XIRP2: variants seen among roughly 807,000 people sequenced by gnomAD.
XIRP2 encodes xin actin-binding repeat-containing protein 2.
In XIRP2, 236 loss-of-function variants were observed where a neutral mutation model predicts 277.0. The ratio of observed to expected loss-of-function variants is 0.85; its 90% CI spans 0.77 to 0.95. The LOEUF is 0.95. Ranked by LOEUF, XIRP2 falls within the 40% of genes least tolerant of loss-of-function variation. The pLI is 0.00. For synonymous variants in XIRP2, 1,490 were observed against 1,416.5 expected, an observed-to-expected ratio of 1.05 and a Z score of -1.17; for missense variants, 4,640 against 4,157.5, an observed-to-expected ratio of 1.12 and a Z score of -3.19.
intron 3 of XIRP2, 107 bp downstream of exon 3, chr2:167,136,169 T>TA: frequency 1.8e-6 from 2 of 1,135,382 alleles, no homozygotes; most frequent in Non-Finnish European, 2.3e-6. Context: ...GTAAGGAAAA[T>TA]AATGACTGCA....
At chr2:167,225,209 A>C (rs1342808865) in intron 5 of XIRP2, among the ~76,000 whole-genome samples, 2 of 152,202 alleles carry the variant, frequency 1.3e-5, no homozygotes, top group Non-Finnish European at 2.9e-5. Flanking sequence ...TAGTGGCAAG[A>C]TACTACTGAA....
At chr2:167,256,598 T>TCATTATCTACAG (rs1188672933) in intron 10 of XIRP2, among the ~76,000 whole-genome samples, 1 of 151,900 alleles carries the variant, frequency 6.6e-6, no homozygotes, top group African/African-American at 2.4e-5. Context: ...TGGCATGTTT[T>TCATTATCTACAG]CATTATCTAC....
chr2:167,078,488 T>C (rs919437694), intron 2 of XIRP2, among the ~76,000 whole-genome samples: 3 of 152,164 alleles, frequency 2.0e-5, no homozygotes, highest in Non-Finnish European at 4.4e-5. Context: ...TTGCTCTGGA[T>C]GGGACTTCCA....
At position 167,134,371 on chromosome 2, in the gene XIRP2, ATG is replaced by A. The variant is rs1219315822; in HGVS notation, c.409-1532_409-1531del. 5.3e-5 allele frequency among the ~76,000 whole-genome samples: 8 copies of A among 151,808 alleles called. No homozygotes were observed. The South Asian group carries it at 1.5e-3, about 28-fold the overall frequency. ...GTGATGTATGTATATATATATTTACATGTGTGTATATATTATATATAAATTGA... is the reference window on the plus strand; with the variant it reads ...GTGATGTATGTATATATATATTTACATGTGTATATATTATATATAAATTGA... On this transcript the variant is annotated intron_variant, in intron 2 of 10. Coordinates refer to ENST00000409195, the MANE Select transcript of XIRP2 (RefSeq NM_152381.6).
chr2:166,892,976 GTA>G lies in XIRP2; in HGVS notation c.-19+4424_-19+4425del, dbSNP rs1305023662. ...TGTGTGTATATACATATATATATATGTATATACACACACACACACACACACAC... is the reference window on the plus strand; with the variant it reads ...TGTGTGTATATACATATATATATATGTATACACACACACACACACACACAC... On this transcript the variant is annotated intron_variant, in intron 1 of 10. Transcript: ENST00000409195. Among the ~76,000 whole-genome samples, 362 of 105,282 alleles carry G rather than the reference GTA, an allele frequency of 3.4e-3. 2 individuals carry two copies. Among genetic ancestry groups the G allele is most frequent in the African/African-American group, 9.5e-3 (280 of 29,484 alleles). The allele number at this position is 105,282 out of a possible 152,430, so 69.1% of individuals were successfully genotyped here.
Position 166,939,541 on chromosome 2 carries a change from G to A in XIRP2, c.408+35651G>A, listed in dbSNP as rs553970753. Among the ~76,000 whole-genome samples, 281 of 151,506 alleles carry A rather than the reference G, an allele frequency of 1.9e-3. 1 individual carries two copies. Among genetic ancestry groups the A allele is most frequent in the South Asian group, 6.7e-3 (32 of 4,802 alleles). ...TAAAAATACAAAAAATTAGCTGGGC[G>A]TGGTGGTGGCCTCCTGTAGTCCCAG... is the stretch of plus-strand genomic sequence containing the variant. On this transcript the variant is annotated intron_variant, in intron 2 of 10. Coordinates refer to ENST00000409195, the MANE Select transcript of XIRP2 (RefSeq NM_152381.6).
intron 3 of XIRP2, among the ~76,000 whole-genome samples, chr2:167,175,696 C>G (rs1344432248): frequency 1.3e-5 from 2 of 152,148 alleles, no homozygotes; most frequent in Non-Finnish European, 2.9e-5. Context: ...CTCTTCAGAG[C>G]CAGCAGTCAG....
At chr2:167,149,256 T>C (rs965867543) in intron 3 of XIRP2, among the ~76,000 whole-genome samples, 6 of 152,184 alleles carry the variant, frequency 3.9e-5, no homozygotes, top group Non-Finnish European at 5.9e-5. Context: ...CTTAATTCAC[T>C]ATGCAGATAG....
intron 3 of XIRP2, among the ~76,000 whole-genome samples, chr2:167,206,459 T>C (rs1693854428): frequency 6.6e-6 from 1 of 152,226 alleles, no homozygotes; most frequent in African/African-American, 2.4e-5. Context: ...TTCAAAATGC[T>C]TGAATATCTT....
At chr2:167,100,392 G>A (rs1410152234) in intron 2 of XIRP2, among the ~76,000 whole-genome samples, 1 of 152,216 alleles carries the variant, frequency 6.6e-6, no homozygotes, top group Admixed American at 6.5e-5. Flanking sequence ...AATAAATAAT[G>A]TAACTATTGC....
intron 2 of XIRP2, among the ~76,000 whole-genome samples, chr2:167,120,075 A>T (rs1032334053): frequency 6.6e-6 from 1 of 151,912 alleles, no homozygotes; most frequent in African/African-American, 2.4e-5. Flanking sequence ...CCTTTAAACG[A>T]TTTTACCTCC....
In XIRP2 at chr2:167,259,218, C is replaced by T; in HGVS notation, c.*1401C>T. The stretch of plus-strand genomic sequence containing the variant: ...TGGCATGTTGAAACAACAGAAGCTG[C>T]CCGCAATAATGAAAACACAGGTTTT... On this transcript the variant is annotated 3_prime_UTR_variant, in exon 11 of 11. Coordinates refer to ENST00000409195, the MANE Select transcript of XIRP2 (RefSeq NM_152381.6). 1 of 1,613,412 alleles carries T rather than the reference C, an allele frequency of 6.2e-7. No individual in the cohort carries two copies. The highest frequency in any genetic ancestry group is 8.5e-7 in the Non-Finnish European group (1 of 1,179,638).
At chr2:166,976,676 C>T (rs1686725130) in intron 2 of XIRP2, among the ~76,000 whole-genome samples, 2 of 152,046 alleles carry the variant, frequency 1.3e-5, no homozygotes, top group African/African-American at 4.8e-5. Flanking sequence ...TTACTTTTTG[C>T]TTCTGCATAT....
intron 2 of XIRP2, among the ~76,000 whole-genome samples, chr2:167,097,439 A>G (rs1574252680): frequency 6.6e-6 from 1 of 151,902 alleles, no homozygotes; most frequent in Non-Finnish European, 1.5e-5. Context: ...TTTTGAGCCT[A>G]TGTGTGTCTT....
Position 167,086,368 on chromosome 2 carries a change from C to T in XIRP2, c.409-49541C>T, listed in dbSNP as rs1373572280. ...TAACCCAACCTTTCTCTCTGGCTGCCCTTCACATTTTTTCCTTCATTTCGA... is the reference window on the plus strand; with the variant it reads ...TAACCCAACCTTTCTCTCTGGCTGCTCTTCACATTTTTTCCTTCATTTCGA... On this transcript the variant is annotated intron_variant, in intron 2 of 10. Coordinates refer to ENST00000409195, the MANE Select transcript of XIRP2 (RefSeq NM_152381.6). Among the ~76,000 whole-genome samples, 3 of 152,044 alleles carry T rather than the reference C, an allele frequency of 2.0e-5. No individual in the cohort carries two copies. In the East Asian group the frequency reaches 5.8e-4, roughly 29 times the overall value.
chr2:167,063,731 A>C (rs1473888108), intron 2 of XIRP2, among the ~76,000 whole-genome samples: 1 of 151,740 alleles, frequency 6.6e-6, no homozygotes, highest in Non-Finnish European at 1.5e-5. Context: ...TCTCATATTA[A>C]TATAGGTATT....
chr2:167,116,876 T>C (rs1690911202), intron 2 of XIRP2, among the ~76,000 whole-genome samples: 2 of 152,336 alleles, frequency 1.3e-5, no homozygotes, highest in African/African-American at 2.4e-5. Flanking sequence ...CACTGTACCA[T>C]AGCTATAAGT....
At chr2:167,058,758 C>T (rs185487603) in intron 2 of XIRP2, among the ~76,000 whole-genome samples, 4 of 152,226 alleles carry the variant, frequency 2.6e-5, no homozygotes, top group South Asian at 2.1e-4. Flanking sequence ...ACCCCATTGA[C>T]GAAGGCAAGC....
chr2:166,892,612 C>A (rs929859769), intron 1 of XIRP2, among the ~76,000 whole-genome samples: 2 of 151,964 alleles, frequency 1.3e-5, no homozygotes, highest in African/African-American at 4.8e-5. Context: ...GGAGAGGCTT[C>A]CTGTGAATTT....
Sources: gnomAD v4.1 joint callset for allele counts (sites outside exome capture counted in the v4.1 genomes callset) on GRCh38, gnomAD v4.1.1 for gene constraint, MANE v1.5 for transcripts, NCBI Gene and HGNC (gene_info 2026-07-23, HGNC 2026-07-21) for gene names.